The following ADRA1B variants were observed in gnomAD, a reference collection of about 807,000 sequenced individuals.
ADRA1B encodes alpha-1B adrenergic receptor.
ADRA1B carries 17 observed loss-of-function variants against 17.9 expected under a neutral mutation model. The observed-to-expected ratio is 0.95, with a 90% CI of 0.65 to 1.42. The LOEUF (loss-of-function observed/expected upper bound fraction) is 1.42. Ranked by LOEUF, ADRA1B falls within the 40% of genes most tolerant of loss-of-function variation. The pLI, the probability that ADRA1B is intolerant of heterozygous loss-of-function variation, is 0.00. For synonymous variants in ADRA1B, 366 were observed against 327.6 expected (o/e 1.12, Z -1.27); for missense variants, 681 against 722.1 (o/e 0.94, Z 0.65).
chr5:159,910,319 G>GGTCAC (rs1448911247), intron 1 of ADRA1B, among the ~76,000 whole-genome samples: 1 of 152,180 alleles, frequency 6.6e-6, no homozygotes, highest in Non-Finnish European at 1.5e-5. Context: ...GCTTGCCCAA[G>GGTCAC]GTCACACATC....
At chr5:159,888,730 CTG>C (rs748193903) in intron 1 of ADRA1B, among the ~76,000 whole-genome samples, 69 of 152,304 alleles carry the variant, frequency 4.5e-4, no homozygotes, top group Non-Finnish European at 8.4e-4. Flanking sequence ...GCACTTATGA[CTG>C]CACCACTGGG....
downstream of ADRA1B, among the ~76,000 whole-genome samples, chr5:159,977,848 C>T (rs1254139165): frequency 6.6e-6 from 1 of 152,062 alleles, no homozygotes; most frequent in African/African-American, 2.4e-5. Flanking sequence ...GGGGGAGCCT[C>T]ACAACTCCCA....
At chr5:159,966,172 T>A (rs1337310416) in intron 1 of ADRA1B, among the ~76,000 whole-genome samples, 1 of 152,192 alleles carries the variant, frequency 6.6e-6, no homozygotes, top group African/African-American at 2.4e-5. Context: ...CCCAAAATGA[T>A]ACATGTAGTA....
intron 1 of ADRA1B, among the ~76,000 whole-genome samples, chr5:159,905,853 T>A (rs1754156637): frequency 7.2e-6 from 1 of 139,196 alleles, no homozygotes; most frequent in Non-Finnish European, 1.6e-5. Flanking sequence ...CAAGTGAAAG[T>A]CAATGCCATT....
At position 159,931,393 on chromosome 5, in the gene ADRA1B, CA is replaced by C. The variant is rs144950450; in HGVS notation, c.949+13555del. ...TGGGCAACAGAGTAAGACCCTATCT[CA>C]AAAAAAAAAAAAAAATGAAGAAATG... On this transcript the variant is annotated intron_variant, in intron 1 of 1. Coordinates refer to ENST00000306675, the MANE Select transcript of ADRA1B (RefSeq NM_000679.4). Among the ~76,000 whole-genome samples the C allele has an allele frequency of 4.9e-3, 644 of 132,090 alleles. 1 individual carries two copies. The highest frequency in any genetic ancestry group is 6.8e-3 in the Admixed American group (89 of 13,000). The allele number at this position is 132,090 out of a possible 152,430, so 86.7% of individuals were successfully genotyped here.
At chr5:159,976,772 C>G (rs1755979917), downstream of ADRA1B, among the ~76,000 whole-genome samples, 1 of 152,000 alleles carries the variant, frequency 6.6e-6, no homozygotes, top group Non-Finnish European at 1.5e-5. Flanking sequence ...GGTGACAAAA[C>G]CAAAATGGGT....
chr5:159,969,381 A>G (rs2113295535), intron 1 of ADRA1B, among the ~76,000 whole-genome samples: 1 of 152,334 alleles, frequency 6.6e-6, no homozygotes, highest in East Asian at 1.9e-4. Context: ...CTTCTTGATT[A>G]TTTGAGGTTT....
At chr5:159,908,900 C>T (rs1754195064) in intron 1 of ADRA1B, among the ~76,000 whole-genome samples, 2 of 152,168 alleles carry the variant, frequency 1.3e-5, no homozygotes, top group South Asian at 4.1e-4. Context: ...CAATTCACAC[C>T]TCATAGCTAA....
chr5:159,951,329 A>G, intron 1 of ADRA1B: 1 of 1,327,600 alleles, frequency 7.5e-7, no homozygotes, highest in Non-Finnish European at 1.1e-6. Flanking sequence ...TGACAGTGCC[A>G]TGGAATTTGC....
upstream of ADRA1B, among the ~76,000 whole-genome samples, chr5:159,915,045 T>G (rs919958706): frequency 6.6e-6 from 1 of 152,228 alleles, no homozygotes; most frequent in Non-Finnish European, 1.5e-5. Context: ...ACTGAGTAAA[T>G]GCATGGCTAT....
At chr5:159,882,033 GGTC>G (rs1248963435) in intron 1 of ADRA1B, among the ~76,000 whole-genome samples, 2 of 152,142 alleles carry the variant, frequency 1.3e-5, no homozygotes, top group Admixed American at 6.5e-5. Context: ...AAACACAGAA[GGTC>G]CCATCTGCAA....
chr5:159,974,478 T>C (rs1389180674), downstream of ADRA1B, among the ~76,000 whole-genome samples: 3 of 151,816 alleles, frequency 2.0e-5, no homozygotes, highest in South Asian at 2.1e-4. Flanking sequence ...CTACTAAAAA[T>C]ACAAAAAATT....
intron 1 of ADRA1B, among the ~76,000 whole-genome samples, chr5:159,893,049 T>A (rs1754003106): frequency 6.6e-6 from 1 of 152,226 alleles, no homozygotes; most frequent in African/African-American, 2.4e-5. Flanking sequence ...AGATGGTGTT[T>A]CATTGTGATT....
chr5:159,988,006 A>T, the ADRA1B span, among the ~76,000 whole-genome samples: 3 of 152,274 alleles, frequency 2.0e-5, no homozygotes, highest in Admixed American at 2.0e-4. Flanking sequence ...GGCAAAGGGG[A>T]CTTTGCAGAT....
chr5:159,974,215 T>C (rs1243709204), downstream of ADRA1B, among the ~76,000 whole-genome samples: 1 of 152,240 alleles, frequency 6.6e-6, no homozygotes, highest in Non-Finnish European at 1.5e-5. Context: ...ATCTTTTAGT[T>C]CTGCTTATCT....
At chr5:159,910,398 G>C in intron 1 of ADRA1B, among the ~76,000 whole-genome samples, 1 of 152,194 alleles carries the variant, frequency 6.6e-6, no homozygotes, top group Admixed American at 6.5e-5. Flanking sequence ...GAAAGTGGTG[G>C]CAAAAGCAAG....
intron 1 of ADRA1B, among the ~76,000 whole-genome samples, chr5:159,889,781 A>G (rs552642460): frequency 6.6e-6 from 1 of 152,294 alleles, no homozygotes; most frequent in East Asian, 1.9e-4. Context: ...ATCTACCCAA[A>G]TCTTTTCAAT....
chr5:159,919,706 T>TA (rs1379081001), intron 1 of ADRA1B, among the ~76,000 whole-genome samples: 12 of 152,356 alleles, frequency 7.9e-5, no homozygotes, highest in African/African-American at 2.9e-4. Context: ...TTTCTTCCTT[T>TA]GCCCCTGGCC....
the ADRA1B span, among the ~76,000 whole-genome samples, chr5:159,978,772 G>A: frequency 6.6e-6 from 1 of 152,202 alleles, no homozygotes; most frequent in Non-Finnish European, 1.5e-5. Flanking sequence ...GGGAGCAGAG[G>A]AAAACGCTAA....
Sources: gnomAD v4.1 joint callset for allele counts (sites outside exome capture counted in the v4.1 genomes callset) on GRCh38, gnomAD v4.1.1 for gene constraint, MANE v1.5 for transcripts, NCBI Gene and HGNC (gene_info 2026-07-23, HGNC 2026-07-21) for gene names.